Variants in RNF24 observed in about 807,000 individuals in gnomAD.
The protein encoded by RNF24 is ring finger protein 24.
In RNF24, 14 loss-of-function variants were observed where a neutral mutation model predicts 20.0. That is an observed-to-expected ratio of 0.70 (90% CI 0.46 to 1.10). The LOEUF is 1.10. Ranked by LOEUF, RNF24 falls within the 50% of genes least tolerant of loss-of-function variation. RNF24 has a pLI of 0.00. For synonymous variants in RNF24, 45 were observed against 61.1 expected, an observed-to-expected ratio of 0.74 and a Z score of 1.23; for missense variants, 124 against 177.6, an observed-to-expected ratio of 0.70 and a Z score of 1.71.
At chr20:3,988,491 G>C (rs941636621) in intron 1 of RNF24, among the ~76,000 whole-genome samples, 69 of 120,406 alleles carry the variant, frequency 5.7e-4, no homozygotes, top group African/African-American at 2.1e-3. Context: ...ACATGGTCTT[G>C]CTCTGTAGCC....
At chr20:3,972,832 G>A (rs945175673) in intron 1 of RNF24, among the ~76,000 whole-genome samples, 1 of 152,076 alleles carries the variant, frequency 6.6e-6, no homozygotes, top group Non-Finnish European at 1.5e-5. Flanking sequence ...GAATCCTGGC[G>A]GCGGAGATTG....
intron 1 of RNF24, among the ~76,000 whole-genome samples, chr20:4,003,762 C>T (rs1981618373): frequency 6.7e-6 from 1 of 148,864 alleles, no homozygotes; most frequent in South Asian, 2.2e-4. Context: ...CCTGACTCAG[C>T]CTCCCAAGTA....
At chr20:3,998,994 C>T (rs1380667951) in intron 1 of RNF24, among the ~76,000 whole-genome samples, 2 of 151,042 alleles carry the variant, frequency 1.3e-5, no homozygotes, top group African/African-American at 2.4e-5. Context: ...GCAGAAGAAC[C>T]GTTTGAACCC....
At chr20:4,009,198 G>A (rs551083449) in intron 1 of RNF24, among the ~76,000 whole-genome samples, 92 of 152,246 alleles carry the variant, frequency 6.0e-4, no homozygotes, top group African/African-American at 2.1e-3. Flanking sequence ...AGGGTGGTAC[G>A]TACTATAGAG....
chr20:3,992,887 T>C (rs1980568373), intron 1 of RNF24, among the ~76,000 whole-genome samples: 1 of 152,222 alleles, frequency 6.6e-6, no homozygotes, highest in South Asian at 2.1e-4. Flanking sequence ...GCTTACTACT[T>C]TGTTTCTTTG....
At chr20:3,941,005 T>C (rs1350132110) in intron 4 of RNF24, among the ~76,000 whole-genome samples, 3 of 152,160 alleles carry the variant, frequency 2.0e-5, no homozygotes, top group African/African-American at 7.2e-5. Context: ...TGGATTAATA[T>C]AAGGCTGTTC....
At chr20:3,974,073 AAAAATC>A (rs1453864540) in intron 1 of RNF24, among the ~76,000 whole-genome samples, 1 of 152,108 alleles carries the variant, frequency 6.6e-6, no homozygotes, top group Non-Finnish European at 1.5e-5. Flanking sequence ...TAAAAAAAAA[AAAAATC>A]AATGTAATCT....
rs376410165 is a variant in RNF24 at position 3,999,246 on chromosome 20, G to A, written c.-8+16191C>T. Among the ~76,000 whole-genome samples, 6 of 152,102 alleles carry A rather than the reference G, an allele frequency of 3.9e-5. No individual in the cohort carries two copies. The East Asian group carries it at 5.8e-4, about 15-fold the overall frequency. ...TTAGTTACAACAGTCCTATAGAGTT[G>A]CACATTATTATCCTTTGTACTGAAA... is the stretch of plus-strand genomic sequence containing the variant. On this transcript the variant is annotated intron_variant, in intron 1 of 5. Transcript: ENST00000358395.
intron 1 of RNF24, among the ~76,000 whole-genome samples, chr20:3,967,988 A>T (rs1000828106): frequency 1.4e-5 from 2 of 148,094 alleles, no homozygotes; most frequent in African/African-American, 5.0e-5. Flanking sequence ...AAAAAAAAAA[A>T]AAAAAAAGAA....
chr20:3,944,805 GCT>G (rs2090998166), intron 4 of RNF24, among the ~76,000 whole-genome samples: 3 of 152,070 alleles, frequency 2.0e-5, no homozygotes, highest in South Asian at 2.1e-4. Context: ...TGAGATAACT[GCT>G]CTCTTTTTTG....
rs1177877144 is a variant in RNF24, at chr20:3,966,469, A to T, written c.-7-2445T>A. Among the ~76,000 whole-genome samples, 6 of 129,312 alleles carry T rather than the reference A, an allele frequency of 4.6e-5. No homozygotes were observed. In the South Asian group the frequency reaches 8.0e-4, roughly 17 times the overall value. The allele number at this position is 129,312 out of a possible 152,430, so 84.8% of individuals were successfully genotyped here. Reference sequence around the variant, plus strand: ...AAGAGGACAAAACTATTAAGGCTTTAGTGTGTGTGTGTGTGTGTGTGTGTG... The same window carrying T: ...AAGAGGACAAAACTATTAAGGCTTTTGTGTGTGTGTGTGTGTGTGTGTGTG... On this transcript the variant is annotated intron_variant, in intron 1 of 5. Transcript: ENST00000358395.
intron 4 of RNF24, among the ~76,000 whole-genome samples, chr20:3,937,794 C>T (rs188402936): frequency 6.6e-6 from 1 of 152,182 alleles, no homozygotes; most frequent in Admixed American, 6.5e-5. Context: ...GTACTTCACT[C>T]ATTTTCATGG....
Position 3,931,325 on chromosome 20 carries a change from G to C in RNF24, c.*2738C>G, listed in dbSNP as rs2090819377. On this transcript the variant is annotated 3_prime_UTR_variant, in exon 6 of 6. Transcript: ENST00000358395. ...CAACTCCTGAAGATAGATGCGGAAA[G>C]GGTGACTTTACCATGGGGTTCGAGT... The C allele has an allele frequency of 6.6e-6, 1 of 152,210 alleles. No individual in the cohort carries two copies. Among genetic ancestry groups the C allele is most frequent in the African/African-American group, 2.4e-5 (1 of 41,452 alleles). 9.4% of individuals were successfully genotyped at this position (152,210 alleles called of 1,614,324 possible).
At chr20:3,945,640 A>C (rs988799230) in intron 3 of RNF24, among the ~76,000 whole-genome samples, 4 of 151,338 alleles carry the variant, frequency 2.6e-5, no homozygotes, top group African/African-American at 7.3e-5. Context: ...ACTTGAACCC[A>C]GGAGGCGGAA....
intron 1 of RNF24, among the ~76,000 whole-genome samples, chr20:4,008,606 G>A (rs1437742768): frequency 7.1e-6 from 1 of 141,486 alleles, no homozygotes; most frequent in African/African-American, 2.7e-5. Context: ...GGAGTGCAAT[G>A]GCACAATCTT....
At chr20:3,970,053 C>T (rs1433940301) in intron 1 of RNF24, among the ~76,000 whole-genome samples, 2 of 151,966 alleles carry the variant, frequency 1.3e-5, no homozygotes, top group African/African-American at 4.8e-5. Flanking sequence ...ACATGTGGAC[C>T]CTGACTTCTA....
At chr20:3,983,962 A>C (rs1979659650) in intron 1 of RNF24, among the ~76,000 whole-genome samples, 1 of 151,038 alleles carries the variant, frequency 6.6e-6, no homozygotes, top group Non-Finnish European at 1.5e-5. Context: ...AAAAAAAAAA[A>C]AAACAAGTGA....
intron 4 of RNF24, among the ~76,000 whole-genome samples, chr20:3,941,483 A>G (rs1288365147): frequency 6.6e-6 from 1 of 152,172 alleles, no homozygotes; most frequent in East Asian, 1.9e-4. Flanking sequence ...CTAAAAAACT[A>G]TACAAAGACA....
At chr20:3,936,154 C>T (rs559465492) in intron 4 of RNF24, among the ~76,000 whole-genome samples, 2 of 152,306 alleles carry the variant, frequency 1.3e-5, no homozygotes, top group South Asian at 2.1e-4. Context: ...AACATCCTTG[C>T]TGAGGTAGCT....
Sources: gnomAD v4.1 joint callset for allele counts (sites outside exome capture counted in the v4.1 genomes callset) on GRCh38, gnomAD v4.1.1 for gene constraint, MANE v1.5 for transcripts, NCBI Gene and HGNC (gene_info 2026-07-23, HGNC 2026-07-21) for gene names.